The following NRG1 variants were observed in gnomAD, a reference collection of about 807,000 sequenced individuals.
NRG1 encodes pro-neuregulin-1, membrane-bound isoform.
In NRG1, 18 loss-of-function variants were observed where a neutral mutation model predicts 63.8. That is an observed-to-expected ratio of 0.28 (90% CI 0.19 to 0.42). The LOEUF (loss-of-function observed/expected upper bound fraction) is 0.42. Among genes scored for constraint, NRG1 ranks in the 10% least tolerant of loss-of-function variants. The pLI is 1.00. For missense variants in NRG1, 762 were observed against 814.7 expected, an observed-to-expected ratio of 0.94 and a Z score of 0.79; for synonymous variants, 302 against 301.3, an observed-to-expected ratio of 1.00 and a Z score of -0.02.
At chr8:32,356,069 G>A (rs2129480397) in intron 1 of NRG1, among the ~76,000 whole-genome samples, 1 of 152,252 alleles carries the variant, frequency 6.6e-6, no homozygotes, top group African/African-American at 2.4e-5. Flanking sequence ...GACTCACCAG[G>A]AGGACAGAGG....
chr8:31,788,963 G>A (rs1820435222), intron 1 of NRG1, among the ~76,000 whole-genome samples: 2 of 152,262 alleles, frequency 1.3e-5, no homozygotes, highest in South Asian at 2.1e-4. Flanking sequence ...TGTATTTTAT[G>A]ATGTTTTAGA....
chr8:31,775,882 C>CA (rs71208140), intron 1 of NRG1, among the ~76,000 whole-genome samples: 3,451 of 72,062 alleles, frequency 0.048, 352 homozygotes, highest in African/African-American at 0.12. Flanking sequence ...GACTCCGTCT[C>CA]AAAAAAAAAA....
At chr8:31,678,727 T>C (rs1183656825) in intron 1 of NRG1, among the ~76,000 whole-genome samples, 1 of 148,244 alleles carries the variant, frequency 6.7e-6, no homozygotes, top group Admixed American at 6.8e-5. Context: ...AAGTATTAAA[T>C]ATTTATATTA....
intron 1 of NRG1, among the ~76,000 whole-genome samples, chr8:31,784,427 A>G (rs1819987902): frequency 6.6e-6 from 1 of 152,204 alleles, no homozygotes. Flanking sequence ...ACCCTAGGGT[A>G]AAGATAAATG....
At chr8:31,736,491 T>G (rs1460112317) in intron 1 of NRG1, among the ~76,000 whole-genome samples, 2 of 152,114 alleles carry the variant, frequency 1.3e-5, no homozygotes, top group African/African-American at 4.8e-5. Flanking sequence ...TGATTATATT[T>G]GAATGAATAA....
At chr8:31,856,400 T>C (rs1421617871) in intron 1 of NRG1, among the ~76,000 whole-genome samples, 2 of 152,232 alleles carry the variant, frequency 1.3e-5, no homozygotes, top group African/African-American at 2.4e-5. Flanking sequence ...TCCAGTTGAT[T>C]GCATTGGCTC....
chr8:32,244,766 G>A (rs1848447493), intron 1 of NRG1, among the ~76,000 whole-genome samples: 1 of 152,186 alleles, frequency 6.6e-6, no homozygotes, highest in Admixed American at 6.5e-5. Flanking sequence ...TGGCATTATT[G>A]TCGTAACATC....
At chr8:32,111,266 G>T (rs188108325) in intron 1 of NRG1, among the ~76,000 whole-genome samples, 1 of 152,070 alleles carries the variant, frequency 6.6e-6, no homozygotes, top group East Asian at 1.9e-4. Context: ...ACAGGGGCCC[G>T]CCAGAGTTTC....
chr8:32,610,217 A>G (rs574827612), intron 3 of NRG1, among the ~76,000 whole-genome samples: 8 of 152,120 alleles, frequency 5.3e-5, no homozygotes, highest in African/African-American at 1.7e-4. Context: ...GGTTGCTGCA[A>G]TCTAATTATC....
intron 5 of NRG1, among the ~76,000 whole-genome samples, 161 bp downstream of exon 5, chr8:32,617,046 A>G (rs558719057): frequency 6.6e-6 from 1 of 152,278 alleles, no homozygotes; most frequent in East Asian, 1.9e-4. Context: ...GCCTCCTAAT[A>G]TGCTTAAGGA....
rs1182076590 is a variant in NRG1 at position 32,728,394 on chromosome 8, C to T, written c.632+316C>T. Reference sequence around the variant, plus strand: ...ATTCAGAAAAGATGTGCAGATATCACAGAGGCCTATAACTTTTGGTATCTA... The same window carrying T: ...ATTCAGAAAAGATGTGCAGATATCATAGAGGCCTATAACTTTTGGTATCTA... On this transcript the variant is annotated intron_variant, in intron 6 of 11. Coordinates refer to ENST00000356819, the Ensembl canonical transcript of NRG1. 3 of 985,136 alleles carry T rather than the reference C, an allele frequency of 3.0e-6. No individual in the cohort carries two copies. The African/African-American group carries it at 5.2e-5, about 17-fold the overall frequency. 61.0% of individuals were successfully genotyped at this position (985,136 alleles called of 1,614,324 possible).
chr8:32,054,458 G>T (rs562820466), intron 1 of NRG1, among the ~76,000 whole-genome samples: 1 of 152,334 alleles, frequency 6.6e-6, no homozygotes, highest in East Asian at 1.9e-4. Flanking sequence ...AGAAAGACAA[G>T]TGTGGCCTGC....
intron 1 of NRG1, among the ~76,000 whole-genome samples, chr8:31,791,603 T>C (rs185018681): frequency 3.6e-4 from 55 of 152,346 alleles, no homozygotes; most frequent in African/African-American, 9.4e-4. Flanking sequence ...AAACTTAGAT[T>C]TGATCATTAC....
intron 1 of NRG1, among the ~76,000 whole-genome samples, chr8:32,532,972 G>A (rs569791451): frequency 6.6e-6 from 1 of 151,142 alleles, no homozygotes; most frequent in African/African-American, 2.4e-5. Flanking sequence ...GTATGTTTTG[G>A]GATTTTGTAG....
chr8:32,444,697 A>G (rs968756641), intron 1 of NRG1, among the ~76,000 whole-genome samples: 5 of 152,210 alleles, frequency 3.3e-5, no homozygotes, highest in Admixed American at 6.5e-5. Flanking sequence ...CACAATGAGG[A>G]ACAGCATTCT....
intron 1 of NRG1, among the ~76,000 whole-genome samples, chr8:31,791,744 G>A (rs1285682457): frequency 6.6e-6 from 1 of 152,140 alleles, no homozygotes; most frequent in African/African-American, 2.4e-5. Context: ...TCTCATGGCT[G>A]CCCGGGCAGT....
chr8:32,248,926 T>C (rs1848831989), intron 1 of NRG1, among the ~76,000 whole-genome samples: 1 of 152,116 alleles, frequency 6.6e-6, no homozygotes, highest in South Asian at 2.1e-4. Flanking sequence ...TTTACCTAGA[T>C]TTTGTGAACT....
chr8:32,119,323 T>C (rs1833143753), intron 1 of NRG1, among the ~76,000 whole-genome samples: 1 of 152,128 alleles, frequency 6.6e-6, no homozygotes, highest in Admixed American at 6.6e-5. Context: ...GACTATTCGC[T>C]TTTGGTTTTG....
At chr8:32,520,361 G>A (rs950825344) in intron 1 of NRG1, among the ~76,000 whole-genome samples, 1 of 150,256 alleles carries the variant, frequency 6.7e-6, no homozygotes, top group African/African-American at 2.5e-5. Flanking sequence ...GTCTTGCCAT[G>A]TTGCCCAGGC....
Sources: allele counts gnomAD v4.1 joint callset (sites outside exome capture counted in the v4.1 genomes callset), GRCh38; gene constraint gnomAD v4.1.1; transcripts MANE v1.5; gene names NCBI Gene and HGNC (gene_info 2026-07-23, HGNC 2026-07-21).